The following TSPEAR variants were observed in gnomAD, a reference collection of about 807,000 sequenced individuals.
TSPEAR encodes thrombospondin-type laminin G domain and EAR repeat-containing protein.
A neutral mutation model predicts 71.6 loss-of-function variants in TSPEAR; 69 were observed. The ratio of observed to expected loss-of-function variants is 0.96; its 90% confidence interval spans 0.79 to 1.18. The LOEUF is 1.18. Ranked by LOEUF, TSPEAR falls within the 50% of genes most tolerant of loss-of-function variation. TSPEAR has a pLI of 0.00. For synonymous variants in TSPEAR, 402 were observed against 387.2 expected (o/e 1.04, Z -0.45); for missense variants, 971 against 894.9 (o/e 1.09, Z -1.09).
At chr21:44,531,170 GAGTGGTCACCCC>G in intron 3 of TSPEAR, 37 bp from the exon 4 acceptor site, 1 of 1,549,842 alleles carries the variant, frequency 6.5e-7, no homozygotes, top group Non-Finnish European at 8.9e-7. Context: ...GGCCATAGGA[GAGTGGTCACCCC>G]AGTTTACTCA....
chr21:44,638,272 T>G, intron 1 of TSPEAR: 1 of 1,479,190 alleles, frequency 6.8e-7, no homozygotes, highest in Non-Finnish European at 9.0e-7. Context: ...CCTCAGAAGG[T>G]GGGGCAGGCT....
At chr21:44,656,356 C>T (rs368807246) in intron 1 of TSPEAR, among the ~76,000 whole-genome samples, 1 of 152,348 alleles carries the variant, frequency 6.6e-6, no homozygotes, top group African/African-American at 2.4e-5. Flanking sequence ...CTGCAGTGCA[C>T]ATCTGCAGGG....
chr21:44,541,118 GTCCTTGCTGTCCTCAGCT>G (rs2053215878), intron 2 of TSPEAR, among the ~76,000 whole-genome samples: 1 of 151,556 alleles, frequency 6.6e-6, no homozygotes, highest in Admixed American at 6.6e-5. Context: ...CCTGTTCATT[GTCCTTGCTGTCCTCAGCT>G]TCCTTTCTTC....
chr21:44,577,220 A>C (rs955096888), intron 1 of TSPEAR, among the ~76,000 whole-genome samples: 1 of 152,242 alleles, frequency 6.6e-6, no homozygotes, highest in African/African-American at 2.4e-5. Context: ...CCAGCTTAAG[A>C]AGCTAAAGAA....
rs1485516846 is a variant in TSPEAR at position 44,538,933 on chromosome 21, T to A, written c.304-5010A>T. On this transcript the variant is annotated intron_variant, in intron 2 of 11. Transcript: ENST00000323084. ...AATAATCATGGCTGGAGGAGACCAA[T>A]GTCAGCTCAAAACCATGTGTCCCCC... 7.7e-6 allele frequency: 3 copies of A among 389,282 alleles called. No homozygotes were observed. In the East Asian group the frequency reaches 1.4e-4, roughly 18 times the overall value. The allele number at this position is 389,282 out of a possible 1,614,324, so 24.1% of individuals were successfully genotyped here. A position where few individuals can be genotyped will look rare whatever the true frequency, so the allele number is the denominator to read the frequency against.
At chr21:44,708,541 C>T (rs1260449202) in intron 1 of TSPEAR, among the ~76,000 whole-genome samples, 1 of 152,194 alleles carries the variant, frequency 6.6e-6, no homozygotes, top group Non-Finnish European at 1.5e-5. Context: ...AGCCAGCAGC[C>T]TCCACACCCC....
rs10712664 is a variant in TSPEAR at position 44,535,896 on chromosome 21, C to CA, written c.304-1974dup. Reference sequence around the variant, plus strand: ...CAGAAGGATCAATTTCTATGTTTATCAAAAAAAAAAAAAGGAAAAAAGAAA... The same window carrying CA: ...CAGAAGGATCAATTTCTATGTTTATCAAAAAAAAAAAAAAGGAAAAAAGAAA... On this transcript the variant is annotated intron_variant, in intron 2 of 11. Transcript: ENST00000323084. 2.4e-3 allele frequency among the ~76,000 whole-genome samples: 326 copies of CA among 136,892 alleles called. 1 individual carries two copies. The highest frequency in any genetic ancestry group is 5.0e-3 in the East Asian group (24 of 4,756). 89.8% of individuals were successfully genotyped at this position (136,892 alleles called of 152,430 possible).
intron 1 of TSPEAR, among the ~76,000 whole-genome samples, chr21:44,705,079 C>A (rs192213270): frequency 6.6e-6 from 1 of 152,170 alleles, no homozygotes; most frequent in Non-Finnish European, 1.5e-5. Context: ...GGCAGAAGAA[C>A]GTGGATTGTG....
At chr21:44,527,046 C>T (rs113873836) in intron 7 of TSPEAR, among the ~76,000 whole-genome samples, 11 of 152,324 alleles carry the variant, frequency 7.2e-5, no homozygotes, top group South Asian at 4.1e-4. Flanking sequence ...CTATGTAGAA[C>T]GAGATGGCAT....
intron 1 of TSPEAR, among the ~76,000 whole-genome samples, chr21:44,662,986 T>C (rs1315642246): frequency 1.3e-5 from 2 of 152,104 alleles, no homozygotes; most frequent in Non-Finnish European, 2.9e-5. Context: ...GATAAAATTA[T>C]ATCATTAAGT....
chr21:44,601,643 G>A (rs782781389), intron 1 of TSPEAR: 42 of 1,611,866 alleles, frequency 2.6e-5, no homozygotes, highest in Middle Eastern at 3.3e-4. Context: ...AGCTGCTGCC[G>A]CCCAGCCTCC....
At chr21:44,681,089 A>C (rs1044791749) in intron 1 of TSPEAR, among the ~76,000 whole-genome samples, 1 of 152,242 alleles carries the variant, frequency 6.6e-6, no homozygotes, top group Non-Finnish European at 1.5e-5. Context: ...CTGTGTGTAA[A>C]GTATTTCATA....
intron 1 of TSPEAR, among the ~76,000 whole-genome samples, chr21:44,655,131 A>G (rs1985064910): frequency 6.6e-6 from 1 of 152,254 alleles, no homozygotes. Flanking sequence ...GCACTGTGCC[A>G]GGCTGTGATT....
chr21:44,679,474 A>G (rs1986476813), intron 1 of TSPEAR, among the ~76,000 whole-genome samples: 1 of 152,254 alleles, frequency 6.6e-6, no homozygotes, highest in Non-Finnish European at 1.5e-5. Context: ...CATACTATCC[A>G]AAGCAATCAA....
At chr21:44,622,437 A>G (rs1033887009) in intron 1 of TSPEAR, among the ~76,000 whole-genome samples, 1 of 152,218 alleles carries the variant, frequency 6.6e-6, no homozygotes, top group Non-Finnish European at 1.5e-5. Flanking sequence ...GTGACTTATA[A>G]GAGTGGAAAT....
chr21:44,502,943 GGGAAGCAAGGC>G (rs1569147371), intron 11 of TSPEAR, among the ~76,000 whole-genome samples: 2 of 72,666 alleles, frequency 2.8e-5, no homozygotes, highest in African/African-American at 7.7e-5. Context: ...TGAGCCCTCG[GGGAAGCAAGGC>G]TCTGGGAGGA....
chr21:44,709,265 C>T (rs1988094574), intron 1 of TSPEAR, among the ~76,000 whole-genome samples: 1 of 152,204 alleles, frequency 6.6e-6, no homozygotes, highest in Non-Finnish European at 1.5e-5. Context: ...CTCCTGGGTC[C>T]GCAGCATCAC....
At chr21:44,633,928 C>T (rs936064574) in intron 1 of TSPEAR, among the ~76,000 whole-genome samples, 1 of 151,880 alleles carries the variant, frequency 6.6e-6, no homozygotes, top group Admixed American at 6.6e-5. Context: ...TTGTTAGGTA[C>T]ATGAATGTTT....
intron 1 of TSPEAR, among the ~76,000 whole-genome samples, chr21:44,635,294 C>T (rs987665238): frequency 2.2e-5 from 3 of 137,636 alleles, no homozygotes; most frequent in Non-Finnish European, 4.5e-5. Flanking sequence ...TGCAGTGAGC[C>T]GAGATGGGGC....
Sources: allele counts gnomAD v4.1 joint callset (sites outside exome capture counted in the v4.1 genomes callset), GRCh38; gene constraint gnomAD v4.1.1; transcripts MANE v1.5; gene names NCBI Gene and HGNC (gene_info 2026-07-23, HGNC 2026-07-21).